The following PDE4D variants were observed in gnomAD, a reference collection of about 807,000 sequenced individuals.
The protein encoded by PDE4D is 3',5'-cyclic-AMP phosphodiesterase 4D.
In PDE4D, 24 loss-of-function variants were observed where a neutral mutation model predicts 87.4. The observed-to-expected ratio is 0.27, with a 90% CI of 0.20 to 0.39. The LOEUF (loss-of-function observed/expected upper bound fraction) is 0.39. Among genes scored for constraint, PDE4D ranks in the 10% least tolerant of loss-of-function variants. The pLI is 1.00. For synonymous variants in PDE4D, 384 were observed against 383.2 expected (o/e 1.00, Z -0.02); for missense variants, 714 against 1,041.0 (o/e 0.69, Z 4.32).
chr5:59,331,012 T>C (rs2153576810), intron 1 of PDE4D, among the ~76,000 whole-genome samples: 1 of 152,300 alleles, frequency 6.6e-6, no homozygotes, highest in Non-Finnish European at 1.5e-5. Context: ...CAGTTTCCAG[T>C]CTTGAGAGCT....
upstream of PDE4D, among the ~76,000 whole-genome samples, chr5:60,488,772 A>G (rs140579010): frequency 6.6e-6 from 1 of 152,200 alleles, no homozygotes; most frequent in Non-Finnish European, 1.5e-5. Context: ...AGTTTTTCGT[A>G]TCTTAAAGAA....
chr5:60,006,374 T>A (rs969754561), intron 2 of PDE4D, among the ~76,000 whole-genome samples: 2 of 151,814 alleles, frequency 1.3e-5, no homozygotes, highest in South Asian at 2.1e-4. Flanking sequence ...AGTATAAAAA[T>A]GTATAATAAT....
chr5:59,060,058 G>C (rs1382999805), intron 5 of PDE4D, among the ~76,000 whole-genome samples: 1 of 152,140 alleles, frequency 6.6e-6, no homozygotes, highest in East Asian at 1.9e-4. Context: ...GATATTATAT[G>C]ATGTGCTAGA....
upstream of PDE4D, among the ~76,000 whole-genome samples, chr5:59,894,593 G>A (rs1406408942): frequency 2.0e-5 from 3 of 152,306 alleles, no homozygotes; most frequent in Non-Finnish European, 4.4e-5. Context: ...AGCCATGGCT[G>A]AGCCCGCTGG....
At chr5:59,173,815 A>G (rs990204937) in intron 5 of PDE4D, among the ~76,000 whole-genome samples, 23 of 152,126 alleles carry the variant, frequency 1.5e-4, no homozygotes, top group Non-Finnish European at 2.8e-4. Flanking sequence ...ACACTGACAC[A>G]ACACATGTTT....
intron 1 of PDE4D, among the ~76,000 whole-genome samples, chr5:59,591,968 ATG>A (rs1318783941): frequency 6.6e-6 from 1 of 152,124 alleles, no homozygotes; most frequent in African/African-American, 2.4e-5. Context: ...GAGTTTTCAC[ATG>A]TGTGTATGTA....
intron 2 of PDE4D, among the ~76,000 whole-genome samples, chr5:60,165,336 C>T (rs1782792372): frequency 6.6e-6 from 1 of 151,910 alleles, no homozygotes. Flanking sequence ...AATTTATTTC[C>T]AGGCTCTGTA....
At chr5:60,450,050 TAAAA>T (rs58034946) in intron 1 of PDE4D, among the ~76,000 whole-genome samples, 2 of 136,124 alleles carry the variant, frequency 1.5e-5, no homozygotes, top group Non-Finnish European at 3.2e-5. Flanking sequence ...TTTTTTTCAG[TAAAA>T]AAAAAAAAAG....
intron 1 of PDE4D, among the ~76,000 whole-genome samples, chr5:60,485,693 ACTATTG>A (rs907356792): frequency 6.9e-6 from 1 of 145,926 alleles, no homozygotes; most frequent in Non-Finnish European, 1.5e-5. Flanking sequence ...AGAAAGATCA[ACTATTG>A]CTGTTTGGGA....
intron 1 of PDE4D, among the ~76,000 whole-genome samples, chr5:59,574,407 T>C (rs1822774079): frequency 6.6e-6 from 1 of 151,640 alleles, no homozygotes; most frequent in Non-Finnish European, 1.5e-5. Flanking sequence ...AATGACAAAT[T>C]AAATAATGTA....
At chr5:59,965,902 C>T (rs1759989919) in intron 3 of PDE4D, among the ~76,000 whole-genome samples, 1 of 152,158 alleles carries the variant, frequency 6.6e-6, no homozygotes. Context: ...TGGCAGGCAG[C>T]ATTTGGCCCA....
upstream of PDE4D, among the ~76,000 whole-genome samples, chr5:60,488,780 G>T (rs1405577200): frequency 1.3e-5 from 2 of 152,100 alleles, no homozygotes; most frequent in Admixed American, 6.5e-5. Flanking sequence ...GTATCTTAAA[G>T]AAAATATCTA....
At chr5:59,031,392 T>TATATATTA (rs1431074293) in intron 6 of PDE4D, among the ~76,000 whole-genome samples, 1 of 34,268 alleles carries the variant, frequency 2.9e-5, no homozygotes, top group Admixed American at 3.1e-4. Context: ...TATATATATA[T>TATATATTA]TATATATATA....
intron 1 of PDE4D, among the ~76,000 whole-genome samples, chr5:59,373,647 A>G (rs542691409): frequency 4.6e-5 from 7 of 152,338 alleles, no homozygotes; most frequent in African/African-American, 1.7e-4. Context: ...TAACCTAGTT[A>G]GAGAGGCCAA....
intron 1 of PDE4D, among the ~76,000 whole-genome samples, chr5:60,239,543 T>A (rs1746836194): frequency 6.6e-6 from 1 of 152,178 alleles, no homozygotes; most frequent in Non-Finnish European, 1.5e-5. Flanking sequence ...GAAATCTTTC[T>A]GATACTGAGT....
At chr5:59,818,689 G>A (rs1769272041) in intron 1 of PDE4D, among the ~76,000 whole-genome samples, 1 of 152,102 alleles carries the variant, frequency 6.6e-6, no homozygotes, top group African/African-American at 2.4e-5. Context: ...AGTGACAAAG[G>A]CTTTCTCCTG....
At chr5:60,230,708 G>C (rs561427897) in intron 1 of PDE4D, among the ~76,000 whole-genome samples, 1 of 152,214 alleles carries the variant, frequency 6.6e-6, no homozygotes, top group East Asian at 1.9e-4. Flanking sequence ...TAGAGGAAAA[G>C]TGCTAGACTA....
At chr5:59,939,777 T>G (rs529763406) in intron 3 of PDE4D, among the ~76,000 whole-genome samples, 22 of 152,204 alleles carry the variant, frequency 1.4e-4, no homozygotes, top group Middle Eastern at 3.4e-3. Flanking sequence ...TAGAGGACCT[T>G]GTAGGCCAAC....
chr5:59,643,731 T>C (rs143165754), intron 1 of PDE4D, among the ~76,000 whole-genome samples: 1 of 152,192 alleles, frequency 6.6e-6, no homozygotes, highest in East Asian at 1.9e-4. Context: ...AAAGCAAGTA[T>C]GGATACCACC....
Sources: allele counts gnomAD v4.1 joint callset (sites outside exome capture counted in the v4.1 genomes callset), GRCh38; gene constraint gnomAD v4.1.1; transcripts MANE v1.5; gene names NCBI Gene and HGNC (gene_info 2026-07-23, HGNC 2026-07-21).